AP3S1: variants seen among roughly 807,000 people sequenced by gnomAD.
The protein encoded by AP3S1 is adaptor related protein complex 3 subunit sigma 1.
AP3S1 carries 12 observed loss-of-function variants against 21.3 expected under a neutral mutation model. The ratio of observed to expected loss-of-function variants is 0.56; its 90% CI spans 0.36 to 0.91. The LOEUF (loss-of-function observed/expected upper bound fraction) is 0.91, where lower values mean the gene tolerates loss of function less well. Among genes scored for constraint, AP3S1 ranks in the 40% least tolerant of loss-of-function variants. The pLI is 0.01. For synonymous variants in AP3S1, 48 were observed against 78.4 expected, an observed-to-expected ratio of 0.61 and a Z score of 2.05; for missense variants, 116 against 225.0, an observed-to-expected ratio of 0.52 and a Z score of 3.10.
intron 1 of AP3S1, among the ~76,000 whole-genome samples, chr5:115,857,551 T>C (rs752466809): frequency 4.5e-4 from 68 of 152,228 alleles, no homozygotes; most frequent in Non-Finnish European, 6.2e-4. Context: ...CTTCAAGTTA[T>C]ACGTACATAT....
intron 4 of AP3S1, among the ~76,000 whole-genome samples, chr5:115,900,556 G>A (rs963823355): frequency 4.6e-5 from 7 of 152,130 alleles, no homozygotes; most frequent in African/African-American, 1.7e-4. Context: ...GTTGGCGATG[G>A]TATATAGTAA....
At chr5:115,846,534 A>G (rs1762076639) in intron 1 of AP3S1, among the ~76,000 whole-genome samples, 2 of 151,104 alleles carry the variant, frequency 1.3e-5, no homozygotes, top group African/African-American at 2.4e-5. Flanking sequence ...CTTAGGAGGA[A>G]CTCTAAGATT....
At chr5:115,895,226 A>G (rs1205026716) in intron 4 of AP3S1, 68 bp downstream of exon 4, 3 of 1,058,884 alleles carry the variant, frequency 2.8e-6, no homozygotes, top group East Asian at 5.2e-5. Context: ...CATAGCAAAA[A>G]TGGCTTTAAT....
chr5:115,874,521 C>T (rs1345997848), intron 3 of AP3S1, among the ~76,000 whole-genome samples: 1 of 152,000 alleles, frequency 6.6e-6, no homozygotes, highest in East Asian at 1.9e-4. Context: ...GAGCATCAGT[C>T]TTATTCAGTT....
intron 5 of AP3S1, 90 bp from the exon 6 acceptor site, chr5:115,913,272 T>C (rs1376468394): frequency 1.0e-6 from 1 of 975,842 alleles, no homozygotes; most frequent in Non-Finnish European, 1.3e-6. Flanking sequence ...TATGAAAATC[T>C]TTTATCATTG....
chr5:115,866,103 T>C (rs1763592537), intron 1 of AP3S1, among the ~76,000 whole-genome samples: 1 of 152,186 alleles, frequency 6.6e-6, no homozygotes, highest in Non-Finnish European at 1.5e-5. Flanking sequence ...GCCAGGACGC[T>C]GACTCTTACT....
intron 2 of AP3S1, among the ~76,000 whole-genome samples, chr5:115,868,538 G>A (rs1747901967): frequency 6.6e-6 from 1 of 152,072 alleles, no homozygotes; most frequent in Admixed American, 6.6e-5. Flanking sequence ...TATACCTTGG[G>A]AAGTTGTTTC....
At chr5:115,859,301 T>G (rs1763006948) in intron 1 of AP3S1, among the ~76,000 whole-genome samples, 1 of 152,244 alleles carries the variant, frequency 6.6e-6, no homozygotes, top group Non-Finnish European at 1.5e-5. Flanking sequence ...GTGTTCTTGG[T>G]CAACTAGAAC....
At chr5:115,886,761 T>C (rs1749818919) in intron 3 of AP3S1, among the ~76,000 whole-genome samples, 1 of 152,190 alleles carries the variant, frequency 6.6e-6, no homozygotes, top group Non-Finnish European at 1.5e-5. Flanking sequence ...TATAATTAAC[T>C]TTCTATAAAT....
At chr5:115,883,814 A>G (rs1470390710) in intron 3 of AP3S1, among the ~76,000 whole-genome samples, 1 of 152,228 alleles carries the variant, frequency 6.6e-6, no homozygotes, top group Admixed American at 6.5e-5. Flanking sequence ...AGTTTTGACA[A>G]TTTATATCAA....
Position 115,895,069 on chromosome 5 carries a change from T to G in AP3S1, c.274-18T>G, listed in dbSNP as rs914141610. 1.9e-6 allele frequency: 3 copies of G among 1,557,116 alleles called. No homozygotes were observed. Among genetic ancestry groups the G allele is most frequent in the African/African-American group, 2.7e-5 (2 of 73,498 alleles). Reference sequence around the variant, plus strand: ...ATAAATTTAAACAGTTCTTAAAACCTTTTTTCTTTTTCCATAGGTATTTGT... The same window carrying G: ...ATAAATTTAAACAGTTCTTAAAACCGTTTTTCTTTTTCCATAGGTATTTGT... On this transcript the variant is annotated intron_variant, in intron 3 of 5. Transcript: ENST00000316788.
chr5:115,860,990 C>T lies in AP3S1; in HGVS notation c.70-5680C>T, dbSNP rs540101290. Among the ~76,000 whole-genome samples the T allele has an allele frequency of 1.6e-4, 25 of 152,220 alleles. No homozygotes were observed. In the East Asian group the frequency reaches 1.7e-3, roughly 11 times the overall value. ...AGATTACAAATTTATTTATTCAATA[C>T]GCTTTTATTGGCTACTCTACATCAG... On this transcript the variant is annotated intron_variant, in intron 1 of 5. Transcript: ENST00000316788.
chr5:115,845,879 A>T, intron 1 of AP3S1, among the ~76,000 whole-genome samples: 1 of 140,036 alleles, frequency 7.1e-6, no homozygotes, highest in East Asian at 2.1e-4. Context: ...AAAAAATTCA[A>T]GTCTGGACTC....
chr5:115,859,491 A>G (rs1349416408), intron 1 of AP3S1, among the ~76,000 whole-genome samples: 1 of 152,226 alleles, frequency 6.6e-6, no homozygotes, highest in Non-Finnish European at 1.5e-5. Context: ...TCTTTATGGT[A>G]TAAATACTTC....
intron 3 of AP3S1, among the ~76,000 whole-genome samples, chr5:115,875,208 T>A (rs1260139421): frequency 6.6e-6 from 1 of 152,218 alleles, no homozygotes; most frequent in Non-Finnish European, 1.5e-5. Flanking sequence ...TCCTATATGT[T>A]GTTTGATGGC....
rs114670636 is a variant in AP3S1, at chr5:115,884,301, A to G, written c.274-10786A>G. On this transcript the variant is annotated intron_variant, in intron 3 of 5. Transcript: ENST00000316788. ...GTTATCTTAAGTATTCTAATAGTGT[A>G]GGCAAATTTTCCTTTACTTTTCAGC... Among the ~76,000 whole-genome samples, 422 of 152,320 alleles carry G rather than the reference A, an allele frequency of 2.8e-3. 2 individuals are homozygous for G. Among genetic ancestry groups the G allele is most frequent in the African/African-American group, 9.7e-3 (404 of 41,582 alleles).
At chr5:115,906,797 T>C in intron 5 of AP3S1, 4 of 1,488,252 alleles carry the variant, frequency 2.7e-6, no homozygotes, top group Middle Eastern at 3.5e-4. Flanking sequence ...TCTTTCTAGC[T>C]CTTTCCATTC....
At chr5:115,845,465 G>A (rs1761985489) in intron 1 of AP3S1, among the ~76,000 whole-genome samples, 1 of 152,154 alleles carries the variant, frequency 6.6e-6, no homozygotes, top group African/African-American at 2.4e-5. Flanking sequence ...GCTGTTATAT[G>A]TGAGAAATAG....
chr5:115,876,353 A>T (rs1748711052), intron 3 of AP3S1, among the ~76,000 whole-genome samples: 1 of 152,120 alleles, frequency 6.6e-6, no homozygotes, highest in African/African-American at 2.4e-5. Flanking sequence ...GCTGGAAGTG[A>T]CTTAAAATTT....
Sources: gnomAD v4.1 joint callset for allele counts (sites outside exome capture counted in the v4.1 genomes callset) on GRCh38, gnomAD v4.1.1 for gene constraint, MANE v1.5 for transcripts, NCBI Gene and HGNC (gene_info 2026-07-23, HGNC 2026-07-21) for gene names.